Variants in MKX observed in about 807,000 individuals in gnomAD.
The protein encoded by MKX is homeobox protein Mohawk.
MKX carries 13 observed loss-of-function variants against 36.0 expected under a neutral mutation model. The observed-to-expected ratio is 0.36, with a 90% CI of 0.24 to 0.57. MKX has a LOEUF of 0.57. Ranked by LOEUF, MKX falls within the 20% of genes least tolerant of loss-of-function variation. The pLI is 0.79. For missense variants in MKX, 458 were observed against 456.4 expected (o/e 1.00, Z -0.03); for synonymous variants, 176 against 178.3 (o/e 0.99, Z 0.10).
intron 5 of MKX, among the ~76,000 whole-genome samples, chr10:27,729,440 G>C (rs1000563099): frequency 2.0e-5 from 3 of 152,000 alleles, no homozygotes; most frequent in Non-Finnish European, 4.4e-5. Context: ...TAGTAGCTGG[G>C]ATCACAGGCG....
chr10:27,698,375 A>G (rs1472480969), intron 5 of MKX, among the ~76,000 whole-genome samples: 1 of 152,216 alleles, frequency 6.6e-6, no homozygotes, highest in Non-Finnish European at 1.5e-5. Context: ...TGAAGGAGCC[A>G]GGCGGGATCA....
chr10:27,740,576 C>T (rs1834871679), intron 3 of MKX, among the ~76,000 whole-genome samples: 1 of 152,084 alleles, frequency 6.6e-6, no homozygotes, highest in South Asian at 2.1e-4. Flanking sequence ...CAGTAAGATT[C>T]AGTTTTGAAA....
intron 5 of MKX, among the ~76,000 whole-genome samples, chr10:27,714,764 A>T (rs1472519301): frequency 6.6e-6 from 1 of 152,236 alleles, no homozygotes; most frequent in Admixed American, 6.5e-5. Flanking sequence ...AAAACGATTT[A>T]TGGCAAGATT....
At chr10:27,712,684 C>G (rs951581255) in intron 5 of MKX, among the ~76,000 whole-genome samples, 1 of 152,176 alleles carries the variant, frequency 6.6e-6, no homozygotes, top group African/African-American at 2.4e-5. Flanking sequence ...CACAGTGGCT[C>G]AGGCCTGTCA....
intron 3 of MKX, among the ~76,000 whole-genome samples, chr10:27,737,676 CCTT>C (rs748163660): frequency 6.6e-6 from 1 of 152,034 alleles, no homozygotes; most frequent in African/African-American, 2.4e-5. Flanking sequence ...GTGTTTTTGT[CCTT>C]CTTTGCTCCT....
At chr10:27,706,545 CTGTGTGTGTGTGTGTG>C (rs60800576) in intron 5 of MKX, among the ~76,000 whole-genome samples, 1 of 144,898 alleles carries the variant, frequency 6.9e-6, no homozygotes, top group Non-Finnish European at 1.5e-5. Flanking sequence ...TCGTTAATTC[CTGTGTGTGTGTGTGTG>C]TGTGTGTGTG....
chr10:27,685,837 C>A (rs1233017602), intron 5 of MKX, among the ~76,000 whole-genome samples: 1 of 152,216 alleles, frequency 6.6e-6, no homozygotes, highest in African/African-American at 2.4e-5. Flanking sequence ...AGTTCCTAGG[C>A]AGCTGCTGCT....
chr10:27,738,634 A>G (rs576678774), intron 3 of MKX, among the ~76,000 whole-genome samples: 52 of 152,222 alleles, frequency 3.4e-4, no homozygotes, highest in African/African-American at 1.2e-3. Flanking sequence ...CTATCTATCT[A>G]TCTCCCATAT....
intron 5 of MKX, among the ~76,000 whole-genome samples, chr10:27,726,190 T>C (rs973642102): frequency 6.6e-6 from 1 of 152,182 alleles, no homozygotes; most frequent in Non-Finnish European, 1.5e-5. Context: ...AAACTTAACG[T>C]TGGTAAACTT....
intron 5 of MKX, among the ~76,000 whole-genome samples, chr10:27,711,500 T>C (rs55789566): frequency 0.048 from 2,485 of 51,720 alleles, 135 homozygotes; most frequent in African/African-American, 0.19. Flanking sequence ...TCTCTCTTCT[T>C]TCCTTCCTTC....
intron 5 of MKX, among the ~76,000 whole-genome samples, chr10:27,691,527 G>T (rs745894036): frequency 1.3e-5 from 2 of 152,030 alleles, no homozygotes; most frequent in African/African-American, 2.4e-5. Flanking sequence ...CGCCTGTATC[G>T]AATGAACCAA....
At position 27,744,523 on chromosome 10, in the gene MKX, G is replaced by T. The variant is rs1414915044; in HGVS notation, c.-82-1026C>A. ...GCGCACCGGCGTCAGGAGCAAGTCC[G>T]CGCGGCCGCGGAGCCGCAGAGTTAC... On this transcript the variant is annotated intron_variant, in intron 1 of 6. Transcript: ENST00000419761. This position sits in a 1 kb window ranked among gnomAD's most constrained non-coding sequence, Gnocchi z 5.6. Among the ~76,000 whole-genome samples, 1 of 152,088 alleles carries T rather than the reference G, an allele frequency of 6.6e-6. No homozygotes were observed. The highest frequency in any genetic ancestry group is 1.5e-5 in the Non-Finnish European group (1 of 68,004).
chr10:27,691,088 T>C (rs1232487627), intron 5 of MKX, among the ~76,000 whole-genome samples: 1 of 152,188 alleles, frequency 6.6e-6, no homozygotes, highest in African/African-American at 2.4e-5. Flanking sequence ...GAACTGTGAG[T>C]AAATCAAACC....
chr10:27,731,760 A>C (rs1834635330), intron 5 of MKX, among the ~76,000 whole-genome samples: 1 of 152,186 alleles, frequency 6.6e-6, no homozygotes, highest in African/African-American at 2.4e-5. Context: ...CAAGCCACCG[A>C]GATATTTAAC....
At chr10:27,738,164 C>A (rs543373356) in intron 3 of MKX, among the ~76,000 whole-genome samples, 2 of 152,144 alleles carry the variant, frequency 1.3e-5, no homozygotes, top group African/African-American at 4.8e-5. Flanking sequence ...ACCACCCAAT[C>A]TGGTAATATA....
At chr10:27,743,183 C>A (rs779061765) in intron 2 of MKX, 45 bp downstream of exon 2, 1 of 1,413,888 alleles carries the variant, frequency 7.1e-7, no homozygotes. Context: ...CACCCCCACC[C>A]CTCCGGGCCG....
intron 5 of MKX, among the ~76,000 whole-genome samples, chr10:27,731,407 C>T (rs950217760): frequency 4.6e-5 from 7 of 152,086 alleles, no homozygotes; most frequent in African/African-American, 1.7e-4. Context: ...TTGAAATCCC[C>T]TGTTTTACTA....
intron 5 of MKX, among the ~76,000 whole-genome samples, chr10:27,712,479 T>G (rs1438048598): frequency 6.6e-6 from 1 of 152,036 alleles, no homozygotes; most frequent in Non-Finnish European, 1.5e-5. Flanking sequence ...CATGGGATTT[T>G]GAGGCAACTG....
chr10:27,706,240 A>AAT (rs148319824), intron 5 of MKX, among the ~76,000 whole-genome samples: 3,283 of 150,432 alleles, frequency 0.022, 104 homozygotes, highest in African/African-American at 0.073. Context: ...ATAATATTCA[A>AAT]ATATATATAT....
Sources: gnomAD v4.1 joint callset for allele counts (sites outside exome capture counted in the v4.1 genomes callset) on GRCh38, gnomAD v4.1.1 for gene constraint, Gnocchi (gnomAD v3.1) non-coding constraint, MANE v1.5 for transcripts, NCBI Gene and HGNC (gene_info 2026-07-23, HGNC 2026-07-21) for gene names.